The following SGIP1 variants were observed in gnomAD, a reference collection of about 807,000 sequenced individuals.
The protein encoded by SGIP1 is SH3GL interacting endocytic adaptor 1, also known as SH3-containing GRB2-like protein 3-interacting protein 1.
A neutral mutation model predicts 107.5 loss-of-function variants in SGIP1; 38 were observed. That is an observed-to-expected ratio of 0.35 (90% CI 0.27 to 0.46). The LOEUF is 0.46. Ranked by LOEUF, SGIP1 falls within the 20% of genes least tolerant of loss-of-function variation. The probability of loss-of-function intolerance (pLI) is 1.00; values close to 1 mark genes in which losing one functional copy is unlikely to be tolerated. For synonymous variants in SGIP1, 365 were observed against 366.1 expected, an observed-to-expected ratio of 1.00 and a Z score of 0.03; for missense variants, 929 against 1,019.5, an observed-to-expected ratio of 0.91 and a Z score of 1.21.
intron 18 of SGIP1, among the ~76,000 whole-genome samples, chr1:66,708,014 A>G (rs2092643825): frequency 6.6e-6 from 1 of 152,168 alleles, no homozygotes; most frequent in Non-Finnish European, 1.5e-5. Flanking sequence ...TTCTGCTTTG[A>G]GAATGCATGC....
chr1:66,645,429 T>C (rs1207995958), intron 7 of SGIP1, among the ~76,000 whole-genome samples: 1 of 152,182 alleles, frequency 6.6e-6, no homozygotes, highest in Non-Finnish European at 1.5e-5. Context: ...TTTAAGGAAA[T>C]ATATTGACAT....
chr1:66,731,681 C>T (rs1319157710), intron 20 of SGIP1, among the ~76,000 whole-genome samples: 4 of 152,118 alleles, frequency 2.6e-5, no homozygotes, highest in Non-Finnish European at 5.9e-5. Flanking sequence ...ACCTCAACCA[C>T]CACAACCATC....
chr1:66,694,714 C>T, intron 17 of SGIP1: 1 of 406,056 alleles, frequency 2.5e-6, no homozygotes, highest in Non-Finnish European at 4.3e-6. Flanking sequence ...GGTTGCATGA[C>T]AGTTTCTCAG....
intron 5 of SGIP1, among the ~76,000 whole-genome samples, chr1:66,641,448 T>G (rs1294556039): frequency 6.6e-6 from 1 of 152,130 alleles, no homozygotes; most frequent in Non-Finnish European, 1.5e-5. Context: ...CTTCTCTCAC[T>G]GACAGACCTA....
chr1:66,616,247 T>A (rs1384623216), intron 1 of SGIP1: 1 of 152,240 alleles, frequency 6.6e-6, no homozygotes, highest in Non-Finnish European at 1.5e-5. Context: ...TTTTGATTAT[T>A]TTCAAATTTT....
chr1:66,561,784 A>T (rs1168287381), intron 1 of SGIP1, among the ~76,000 whole-genome samples: 1 of 152,074 alleles, frequency 6.6e-6, no homozygotes, highest in African/African-American at 2.4e-5. Context: ...TGCTTTAGAT[A>T]GCAGAGGCCT....
Position 66,741,270 on chromosome 1 carries a change from A to T in SGIP1, c.2300-2A>T. On this transcript the variant is annotated splice_acceptor_variant, in intron 23 of 24. Transcript: ENST00000371037. LOFTEE classifies it high-confidence loss of function. ...ACCTTGTAATAATGTGTTTTTTTTT[A>T]GGGGTGGGTTCTTTGTTGGCAAGAT... is the stretch of plus-strand genomic sequence containing the variant. 6.4e-7 allele frequency: 1 copy of T among 1,558,380 alleles called. No individual in the cohort carries two copies. Among genetic ancestry groups the T allele is most frequent in the Non-Finnish European group, 8.7e-7 (1 of 1,155,888 alleles).
chr1:66,551,587 A>G (rs2057417591), intron 1 of SGIP1, among the ~76,000 whole-genome samples: 1 of 152,174 alleles, frequency 6.6e-6, no homozygotes, highest in Non-Finnish European at 1.5e-5. Context: ...AACTCTCAAT[A>G]ACTATAATAA....
intron 18 of SGIP1, among the ~76,000 whole-genome samples, chr1:66,709,547 T>G (rs1004119600): frequency 6.6e-6 from 1 of 152,154 alleles, no homozygotes; most frequent in African/African-American, 2.4e-5. Flanking sequence ...AAATGATGCA[T>G]TATGTGTAAA....
Position 66,639,852 on chromosome 1 carries a change from T to G in SGIP1, c.228+19T>G. On this transcript the variant is annotated intron_variant, in intron 5 of 24. Transcript: ENST00000371037. ...AAGATATGTGAGTATCAGAAGAGTG[T>G]TTCTCTTTATTAAGTATTTTACAGT... 1 of 1,596,360 alleles carries G rather than the reference T, an allele frequency of 6.3e-7. No individual in the cohort carries two copies. The highest frequency in any genetic ancestry group is 1.1e-5 in the South Asian group (1 of 89,682).
At position 66,592,963 on chromosome 1, in the gene SGIP1, C is replaced by T. The variant is rs566856682; in HGVS notation, c.11-32884C>T. ...TTCACCACATTGCCCAGGCTGATCT[C>T]GAACTCCTGGATTCAAAAGATCCTC... On this transcript the variant is annotated intron_variant, in intron 1 of 24. Coordinates refer to ENST00000371037, the MANE Select transcript of SGIP1 (RefSeq NM_032291.4). Among the ~76,000 whole-genome samples the T allele has an allele frequency of 5.1e-5, 6 of 118,024 alleles. No homozygotes were observed. The East Asian group carries it at 1.2e-3, about 24-fold the overall frequency. The allele number at this position is 118,024 out of a possible 152,430, so 77.4% of individuals were successfully genotyped here. A position where few individuals can be genotyped will look rare whatever the true frequency, so the allele number is the denominator to read the frequency against.
At chr1:66,641,524 T>G (rs1275228890) in intron 5 of SGIP1, among the ~76,000 whole-genome samples, 1 of 152,120 alleles carries the variant, frequency 6.6e-6, no homozygotes, top group Non-Finnish European at 1.5e-5. Context: ...ACATAGGGTA[T>G]AGTCTGAAAC....
chr1:66,708,652 G>A (rs1303656793), intron 18 of SGIP1, among the ~76,000 whole-genome samples: 1 of 152,068 alleles, frequency 6.6e-6, no homozygotes, highest in Non-Finnish European at 1.5e-5. Context: ...ATTCAATTGG[G>A]CATTAATTTT....
At chr1:66,649,307 T>C (rs762175498) in intron 7 of SGIP1, among the ~76,000 whole-genome samples, 3 of 152,240 alleles carry the variant, frequency 2.0e-5, no homozygotes, top group Non-Finnish European at 4.4e-5. Context: ...ACAGAAACTT[T>C]GTACATACCC....
chr1:66,697,536 G>A (rs769484118), intron 18 of SGIP1, among the ~76,000 whole-genome samples: 2 of 152,192 alleles, frequency 1.3e-5, no homozygotes, highest in Admixed American at 6.5e-5. Flanking sequence ...ATGAATGTTG[G>A]TGTCACTGTT....
Position 66,543,694 on chromosome 1 carries a change from G to T in SGIP1, c.10+9326G>T, listed in dbSNP as rs11208904. Among the ~76,000 whole-genome samples the T allele has an allele frequency of 8.0e-3, 1,218 of 152,130 alleles. 9 individuals carry two copies. The highest frequency in any genetic ancestry group is 0.013 in the Non-Finnish European group (893 of 67,994). ...TTTTCTCAGTGAGTCAGTACAGTGT[G>T]GGGGGAAGGGCCAGGACTTGAAGAG... On this transcript the variant is annotated intron_variant, in intron 1 of 24. Coordinates refer to ENST00000371037, the MANE Select transcript of SGIP1 (RefSeq NM_032291.4).
rs529374002 is a variant in SGIP1, at chr1:66,609,926, CT to C, written c.11-15913del. 9.6e-4 allele frequency among the ~76,000 whole-genome samples: 146 copies of C among 152,094 alleles called. 2 individuals are homozygous for C. Among genetic ancestry groups the C allele is most frequent in the Middle Eastern group, 6.8e-3 (2 of 294 alleles). ...ATTTCTAATGATATCTTATTCTGGG[CT>C]TTTTTTTCATCATTATTAAAGTCAC... On this transcript the variant is annotated intron_variant, in intron 1 of 24. Transcript: ENST00000371037.
chr1:66,657,841 A>G (rs1218159757), intron 7 of SGIP1, among the ~76,000 whole-genome samples: 5 of 152,194 alleles, frequency 3.3e-5, no homozygotes, highest in Non-Finnish European at 7.4e-5. Context: ...TATCACTCCC[A>G]TTTCTCTTAT....
At chr1:66,738,823 A>C (rs2094352081) in intron 21 of SGIP1, among the ~76,000 whole-genome samples, 1 of 152,190 alleles carries the variant, frequency 6.6e-6, no homozygotes, top group Non-Finnish European at 1.5e-5. Context: ...AATAGGTGAC[A>C]TTTATCAAAA....
Sources: allele counts gnomAD v4.1 joint callset (sites outside exome capture counted in the v4.1 genomes callset), GRCh38; gene constraint gnomAD v4.1.1; transcripts MANE v1.5; gene names NCBI Gene and HGNC (gene_info 2026-07-23, HGNC 2026-07-21).